PRKCE: variants seen among roughly 807,000 people sequenced by gnomAD.
PRKCE encodes the protein protein kinase C epsilon type.
A neutral mutation model predicts 85.4 loss-of-function variants in PRKCE; 16 were observed. That is an observed-to-expected ratio of 0.19 (90% CI 0.13 to 0.28). The LOEUF (loss-of-function observed/expected upper bound fraction) is 0.28, where lower values mean the gene tolerates loss of function less well. Ranked by LOEUF, PRKCE falls within the 10% of genes least tolerant of loss-of-function variation. The pLI is 1.00. For missense variants in PRKCE, 573 were observed against 975.2 expected, an observed-to-expected ratio of 0.59 and a Z score of 5.49; for synonymous variants, 388 against 371.5, an observed-to-expected ratio of 1.04 and a Z score of -0.51.
intron 11 of PRKCE, among the ~76,000 whole-genome samples, chr2:46,119,148 T>TCAAGA (rs1673067244): frequency 6.6e-6 from 1 of 152,094 alleles, no homozygotes; most frequent in Admixed American, 6.5e-5. Context: ...TTTTCTCTAG[T>TCAAGA]CTTGACCTAA....
intron 2 of PRKCE, among the ~76,000 whole-genome samples, chr2:45,884,657 C>G (rs1695110998): frequency 6.6e-6 from 1 of 152,084 alleles, no homozygotes; most frequent in Non-Finnish European, 1.5e-5. Context: ...GGTGACTGAG[C>G]CAGTCAACAA....
At chr2:46,108,199 C>G (rs1447510171) in intron 11 of PRKCE, among the ~76,000 whole-genome samples, 1 of 152,172 alleles carries the variant, frequency 6.6e-6, no homozygotes, top group East Asian at 1.9e-4. Flanking sequence ...GTGTGAGCCT[C>G]CATGCCTGGC....
chr2:45,912,674 A>G (rs1258716907), intron 2 of PRKCE, among the ~76,000 whole-genome samples: 1 of 152,212 alleles, frequency 6.6e-6, no homozygotes, highest in Admixed American at 6.5e-5. Flanking sequence ...AACGCACCTT[A>G]GAAGCGCATC....
intron 1 of PRKCE, among the ~76,000 whole-genome samples, chr2:45,653,641 A>T (rs1306219058): frequency 6.6e-6 from 1 of 151,938 alleles, no homozygotes; most frequent in South Asian, 2.1e-4. Flanking sequence ...TCACTTTGGC[A>T]TATCACCTTA....
chr2:45,952,465 G>A (rs1279839934), intron 2 of PRKCE, among the ~76,000 whole-genome samples: 1 of 152,068 alleles, frequency 6.6e-6, no homozygotes, highest in Non-Finnish European at 1.5e-5. Context: ...CATTCTAAAG[G>A]AACATGGACT....
At chr2:45,815,049 T>G (rs974035561) in intron 1 of PRKCE, among the ~76,000 whole-genome samples, 7 of 152,166 alleles carry the variant, frequency 4.6e-5, no homozygotes, top group African/African-American at 1.4e-4. Flanking sequence ...GAGGTCTCTG[T>G]TCCCACCCTG....
rs560083192 is a variant in PRKCE at position 46,094,107 on chromosome 2, C to A, written c.1592+7745C>A. Among the ~76,000 whole-genome samples, 115 of 152,244 alleles carry A rather than the reference C, an allele frequency of 7.6e-4. 2 individuals carry two copies. Among genetic ancestry groups the A allele is most frequent in the Admixed American group, 3.9e-3 (60 of 15,302 alleles). The stretch of plus-strand genomic sequence containing the variant: ...AGCAGTATTCTATCAATTTCATATT[C>A]TTGGATACATTCTTTGCCAAGCCTT... On this transcript the variant is annotated intron_variant, in intron 11 of 14. Coordinates refer to ENST00000306156, the MANE Select transcript of PRKCE (RefSeq NM_005400.3).
chr2:45,951,843 T>C (rs1382190439), intron 2 of PRKCE, among the ~76,000 whole-genome samples: 5 of 152,222 alleles, frequency 3.3e-5, no homozygotes, highest in Admixed American at 2.6e-4. Context: ...TGTTTTGTTT[T>C]GTTTTTTGAG....
At position 46,055,854 on chromosome 2, in the gene PRKCE, G is replaced by A. The variant is rs568760467; in HGVS notation, c.1438-30354G>A. Among the ~76,000 whole-genome samples, 6 of 152,242 alleles carry A rather than the reference G, an allele frequency of 3.9e-5. No homozygotes were observed. In the East Asian group the frequency reaches 1.2e-3, roughly 29 times the overall value. Reference sequence around the variant, plus strand: ...ATTTGTATAGTTTTGTTAGAGATGGGGTTTTGCCATGTTGCCCAAGCTGGT... The same window carrying A: ...ATTTGTATAGTTTTGTTAGAGATGGAGTTTTGCCATGTTGCCCAAGCTGGT... On this transcript the variant is annotated intron_variant, in intron 10 of 14. Transcript: ENST00000306156.
chr2:46,013,011 G>A (rs550963670), intron 10 of PRKCE, among the ~76,000 whole-genome samples: 18 of 152,308 alleles, frequency 1.2e-4, no homozygotes, highest in African/African-American at 3.6e-4. Context: ...CACAGTCACA[G>A]GAGCAGCTTT....
chr2:45,987,518 G>C (rs935281353), intron 6 of PRKCE, among the ~76,000 whole-genome samples: 3 of 151,860 alleles, frequency 2.0e-5, no homozygotes, highest in African/African-American at 7.3e-5. Flanking sequence ...TTTTTTAAGA[G>C]CATTTTTAGG....
intron 11 of PRKCE, among the ~76,000 whole-genome samples, chr2:46,113,882 G>C (rs975757355): frequency 1.2e-4 from 19 of 152,176 alleles, no homozygotes; most frequent in African/African-American, 4.6e-4. Flanking sequence ...TCCTGGCTGT[G>C]GTGGGGACCT....
At chr2:45,695,350 C>A (rs879429776) in intron 1 of PRKCE, among the ~76,000 whole-genome samples, 34 of 152,304 alleles carry the variant, frequency 2.2e-4, no homozygotes, top group Non-Finnish European at 4.3e-4. Flanking sequence ...GAGAGGTCAA[C>A]TTCATTACAG....
chr2:45,971,515 T>C lies in PRKCE; in HGVS notation c.413-4914T>C, dbSNP rs377584626. 9.6e-4 allele frequency among the ~76,000 whole-genome samples: 147 copies of C among 152,362 alleles called. 2 individuals carry two copies. Among genetic ancestry groups the C allele is most frequent in the African/African-American group, 3.3e-3 (137 of 41,590 alleles). ...TTTAGCCTCACACTTCATAAAAGTATCAAGTGGTTCTCTCTGGCTTTTACT... is the reference window on the plus strand; with the variant it reads ...TTTAGCCTCACACTTCATAAAAGTACCAAGTGGTTCTCTCTGGCTTTTACT... On this transcript the variant is annotated intron_variant, in intron 2 of 14. Transcript: ENST00000306156.
chr2:46,043,088 G>A (rs1383376991), intron 10 of PRKCE, among the ~76,000 whole-genome samples: 2 of 138,366 alleles, frequency 1.4e-5, no homozygotes, highest in African/African-American at 5.9e-5. Flanking sequence ...AACTTTGTAG[G>A]GCCTTCAGAA....
chr2:46,028,769 A>G (rs982953270), intron 10 of PRKCE, among the ~76,000 whole-genome samples: 1 of 152,218 alleles, frequency 6.6e-6, no homozygotes, highest in Non-Finnish European at 1.5e-5. Flanking sequence ...TCACCCAGGT[A>G]TTAAGCTTGG....
intron 2 of PRKCE, among the ~76,000 whole-genome samples, chr2:45,902,178 A>G (rs1328052073): frequency 6.6e-6 from 1 of 152,164 alleles, no homozygotes; most frequent in East Asian, 1.9e-4. Context: ...GTGTAGCAAT[A>G]TGGGCCCAGA....
At chr2:46,119,781 G>A (rs1038912827) in intron 11 of PRKCE, among the ~76,000 whole-genome samples, 4 of 152,178 alleles carry the variant, frequency 2.6e-5, no homozygotes, top group Non-Finnish European at 4.4e-5. Context: ...GAGCTTGTGA[G>A]GAACACTCCA....
At chr2:45,893,007 C>A (rs559778917) in intron 2 of PRKCE, among the ~76,000 whole-genome samples, 1 of 152,308 alleles carries the variant, frequency 6.6e-6, no homozygotes, top group South Asian at 2.1e-4. Flanking sequence ...CCCATTGCCT[C>A]ATTCCGCTGC....
Sources: gnomAD v4.1 joint callset for allele counts (sites outside exome capture counted in the v4.1 genomes callset) on GRCh38, gnomAD v4.1.1 for gene constraint, MANE v1.5 for transcripts, NCBI Gene and HGNC (gene_info 2026-07-23, HGNC 2026-07-21) for gene names.